Variants in ENPP6 observed in about 807,000 individuals in gnomAD.
ENPP6 encodes glycerophosphocholine cholinephosphodiesterase ENPP6.
In ENPP6, 32 loss-of-function variants were observed where a neutral mutation model predicts 42.0. The observed-to-expected ratio is 0.76, with a 90% CI of 0.58 to 1.02. The LOEUF (loss-of-function observed/expected upper bound fraction) is 1.02. Ranked by LOEUF, ENPP6 falls within the 50% of genes least tolerant of loss-of-function variation. The probability of loss-of-function intolerance (pLI) is 0.00; values close to 1 mark genes in which losing one functional copy is unlikely to be tolerated. For missense variants in ENPP6, 552 were observed against 566.8 expected (o/e 0.97, Z 0.27); for synonymous variants, 213 against 216.0 (o/e 0.99, Z 0.12).
chr4:184,122,829 A>T (rs1206040283), intron 3 of ENPP6, among the ~76,000 whole-genome samples: 1 of 152,226 alleles, frequency 6.6e-6, no homozygotes, highest in Non-Finnish European at 1.5e-5. Context: ...GATGGCTGGC[A>T]TTCTGGATAT....
chr4:184,157,619 TTCTC>T (rs1737192203), intron 1 of ENPP6, among the ~76,000 whole-genome samples: 1 of 150,654 alleles, frequency 6.6e-6, no homozygotes, highest in African/African-American at 2.4e-5. Flanking sequence ...TTCTCTCTCT[TTCTC>T]TCTTTCTTCT....
intron 1 of ENPP6, among the ~76,000 whole-genome samples, chr4:184,214,918 C>T (rs1406861906): frequency 1.3e-5 from 2 of 152,104 alleles, no homozygotes; most frequent in Admixed American, 1.3e-4. Context: ...TTGACAGGTG[C>T]AGCAAACCAC....
At chr4:184,156,007 T>C (rs1322567835) in intron 1 of ENPP6, among the ~76,000 whole-genome samples, 2 of 151,990 alleles carry the variant, frequency 1.3e-5, no homozygotes, top group African/African-American at 4.8e-5. Flanking sequence ...CATGCACAGG[T>C]GTGAGAGAGA....
rs1160350405 is a variant in ENPP6 at position 184,113,953 on chromosome 4, TTC to T, written c.856-1146_856-1145del. Among the ~76,000 whole-genome samples, 16 of 142,168 alleles carry T rather than the reference TTC, an allele frequency of 1.1e-4. 1 individual carries two copies. In the East Asian group the frequency reaches 3.0e-3, roughly 27 times the overall value. 93.3% of individuals were successfully genotyped at this position (142,168 alleles called of 152,430 possible). A position where few individuals can be genotyped will look rare whatever the true frequency, so the allele number is the denominator to read the frequency against. On this transcript the variant is annotated intron_variant, in intron 5 of 7. Transcript: ENST00000296741. ...TTTCTTTCTTTCTTTCTTTCTTTCTTTCTTTCTTTCTCTCTTTCTTTCTTTCT... is the reference window on the plus strand; with the variant it reads ...TTTCTTTCTTTCTTTCTTTCTTTCTTTTTCTTTCTCTCTTTCTTTCTTTCT...
At position 184,200,780 on chromosome 4, in the gene ENPP6, C is replaced by T. The variant is rs530679335; in HGVS notation, c.241+16799G>A. Among the ~76,000 whole-genome samples the T allele has an allele frequency of 2.6e-5, 4 of 152,340 alleles. No homozygotes were observed. In the South Asian group the frequency reaches 6.2e-4, roughly 24 times the overall value. ...ACTGCTCACCACCAAAGGTGACTCCCGGGGGACCTGGCCTCCTGGCACACC... is the reference window on the plus strand; with the variant it reads ...ACTGCTCACCACCAAAGGTGACTCCTGGGGGACCTGGCCTCCTGGCACACC... On this transcript the variant is annotated intron_variant, in intron 1 of 7. Coordinates refer to ENST00000296741, the MANE Select transcript of ENPP6 (RefSeq NM_153343.4).
At chr4:184,148,310 G>A (rs187816184) in intron 2 of ENPP6, among the ~76,000 whole-genome samples, 27 of 152,264 alleles carry the variant, frequency 1.8e-4, no homozygotes, top group Admixed American at 1.4e-3. Context: ...TTGGAAGTTC[G>A]TCCCTGGATT....
chr4:184,144,413 G>T (rs1020890068), intron 2 of ENPP6, among the ~76,000 whole-genome samples: 4 of 152,150 alleles, frequency 2.6e-5, no homozygotes, highest in African/African-American at 9.7e-5. Context: ...TCGCAGGCGG[G>T]ACGGGACAGA....
At chr4:184,127,769 T>A (rs1484032034) in intron 2 of ENPP6, among the ~76,000 whole-genome samples, 2 of 152,142 alleles carry the variant, frequency 1.3e-5, no homozygotes, top group African/African-American at 4.8e-5. Context: ...AAATAATTTT[T>A]AAAAAATCGT....
intron 6 of ENPP6, among the ~76,000 whole-genome samples, chr4:184,100,471 C>G (rs938270307): frequency 6.6e-6 from 1 of 152,212 alleles, no homozygotes; most frequent in Non-Finnish European, 1.5e-5. Context: ...GACTGCCACA[C>G]AGCGCCACCT....
At chr4:184,193,396 A>G (rs1049144823) in intron 1 of ENPP6, among the ~76,000 whole-genome samples, 2 of 152,260 alleles carry the variant, frequency 1.3e-5, no homozygotes, top group African/African-American at 4.8e-5. Context: ...CACATATTGT[A>G]TGATTCCATG....
At chr4:184,111,166 C>A (rs913947639) in intron 6 of ENPP6, among the ~76,000 whole-genome samples, 2 of 152,170 alleles carry the variant, frequency 1.3e-5, no homozygotes, top group African/African-American at 4.8e-5. Flanking sequence ...CTCTCCCTCC[C>A]TACCACCCAG....
intron 1 of ENPP6, among the ~76,000 whole-genome samples, chr4:184,182,722 C>T (rs1732571936): frequency 6.6e-6 from 1 of 152,114 alleles, no homozygotes; most frequent in Non-Finnish European, 1.5e-5. Flanking sequence ...ATGGATGAAG[C>T]TGGAAGCCAT....
rs758022007 is a variant in ENPP6 at position 184,184,909 on chromosome 4, G to A, written c.242-31176C>T. On this transcript the variant is annotated intron_variant, in intron 1 of 7. Transcript: ENST00000296741. This position sits in a 1 kb window ranked among gnomAD's most constrained non-coding sequence, Gnocchi z 4.7. ...CACCCAGCGTGTGGAGTGTGTGACAGCAGCCCTAGGGAGCTGACACAAAGG... is the reference window on the plus strand; with the variant it reads ...CACCCAGCGTGTGGAGTGTGTGACAACAGCCCTAGGGAGCTGACACAAAGG... Among the ~76,000 whole-genome samples the A allele has an allele frequency of 6.6e-6, 1 of 152,152 alleles. No individual in the cohort carries two copies. Among genetic ancestry groups the A allele is most frequent in the Non-Finnish European group, 1.5e-5 (1 of 68,026 alleles).
At chr4:184,135,204 G>C (rs1736713475) in intron 2 of ENPP6, among the ~76,000 whole-genome samples, 1 of 151,892 alleles carries the variant, frequency 6.6e-6, no homozygotes, top group African/African-American at 2.4e-5. Context: ...AATTCAATCA[G>C]GTAAAAATGT....
intron 2 of ENPP6, among the ~76,000 whole-genome samples, chr4:184,133,548 GT>G (rs1736679763): frequency 1.3e-5 from 2 of 152,256 alleles, no homozygotes; most frequent in East Asian, 1.9e-4. Context: ...AATAATGACA[GT>G]TTTTTGCCTT....
chr4:184,146,502 C>T (rs982907327), intron 2 of ENPP6, among the ~76,000 whole-genome samples: 4 of 151,362 alleles, frequency 2.6e-5, no homozygotes, highest in Non-Finnish European at 2.9e-5. Context: ...GCTATAAAAA[C>T]AATGCATCCT....
chr4:184,150,321 C>T (rs541345434), intron 2 of ENPP6, among the ~76,000 whole-genome samples: 2 of 152,200 alleles, frequency 1.3e-5, no homozygotes, highest in African/African-American at 4.8e-5. Flanking sequence ...TTCTAAATTG[C>T]ACTTCTAAAT....
intron 6 of ENPP6, 95 bp from the exon 7 acceptor site, chr4:184,097,463 T>G (rs1735931845): frequency 3.9e-6 from 6 of 1,551,930 alleles, no homozygotes; most frequent in Non-Finnish European, 5.2e-6. Context: ...GGGGGCGCTT[T>G]CCTCCTCTGC....
chr4:184,172,650 G>C (rs1276399444), intron 1 of ENPP6, among the ~76,000 whole-genome samples: 1 of 152,098 alleles, frequency 6.6e-6, no homozygotes, highest in Non-Finnish European at 1.5e-5. Flanking sequence ...TGACTAATGT[G>C]GGTTTTTTTC....
Sources: allele counts gnomAD v4.1 joint callset (sites outside exome capture counted in the v4.1 genomes callset), GRCh38; gene constraint gnomAD v4.1.1; non-coding constraint Gnocchi (gnomAD v3.1); transcripts MANE v1.5; gene names NCBI Gene and HGNC (gene_info 2026-07-23, HGNC 2026-07-21).